PDS5B: variants seen among roughly 807,000 people sequenced by gnomAD.
PDS5B encodes PDS5 cohesin associated factor B, also known as sister chromatid cohesion protein PDS5 homolog B.
A neutral mutation model predicts 184.1 loss-of-function variants in PDS5B; 51 were observed. The observed-to-expected ratio is 0.28, with a 90% CI of 0.22 to 0.35. The LOEUF is 0.35. PDS5B is among the 10% of genes least tolerant of loss of function. The pLI is 1.00. For synonymous variants in PDS5B, 566 were observed against 569.2 expected, an observed-to-expected ratio of 0.99 and a Z score of 0.08; for missense variants, 1,180 against 1,723.3, an observed-to-expected ratio of 0.68 and a Z score of 5.58.
intron 1 of PDS5B, among the ~76,000 whole-genome samples, chr13:32,588,755 A>T (rs1200365178): frequency 1.3e-5 from 2 of 152,358 alleles, no homozygotes; most frequent in East Asian, 3.9e-4. Flanking sequence ...ATAAGATTCT[A>T]CCGAGTTGGC....
chr13:32,681,795 CTCAACCTTA>C, intron 10 of PDS5B, among the ~76,000 whole-genome samples: 1 of 152,122 alleles, frequency 6.6e-6, no homozygotes, highest in East Asian at 1.9e-4. Context: ...TGTAGTGCTT[CTCAACCTTA>C]TCAGACCCAG....
At chr13:32,628,726 T>C (rs2058409182) in intron 1 of PDS5B, among the ~76,000 whole-genome samples, 1 of 152,200 alleles carries the variant, frequency 6.6e-6, no homozygotes, top group Non-Finnish European at 1.5e-5. Context: ...CACTTGAGTA[T>C]AATGCCTTTC....
At chr13:32,750,043 G>A (rs1261903226) in intron 24 of PDS5B, among the ~76,000 whole-genome samples, 2 of 152,030 alleles carry the variant, frequency 1.3e-5, no homozygotes, top group African/African-American at 4.8e-5. Context: ...GTTCCCAGTA[G>A]CGCTTTTTAT....
intron 18 of PDS5B, among the ~76,000 whole-genome samples, chr13:32,708,461 A>G (rs893753072): frequency 2.0e-5 from 3 of 152,304 alleles, no homozygotes; most frequent in East Asian, 3.8e-4. Flanking sequence ...GTAATATCTT[A>G]TTTTTTAGAA....
intron 26 of PDS5B, among the ~76,000 whole-genome samples, chr13:32,757,715 G>A (rs571469653): frequency 2.0e-5 from 3 of 152,224 alleles, no homozygotes; most frequent in South Asian, 4.1e-4. Context: ...AGTCAGTCTT[G>A]AGTATCTGAG....
intron 24 of PDS5B, among the ~76,000 whole-genome samples, chr13:32,752,246 A>G (rs9596204): frequency 0.012 from 1,843 of 152,300 alleles, 37 homozygotes; most frequent in African/African-American, 0.041. Context: ...CTATCTTATT[A>G]GTTACTGTTA....
rs187632630 is a variant in PDS5B, at chr13:32,679,019, G to A, written c.1057+90G>A. On this transcript the variant is annotated intron_variant, in intron 10 of 34. Transcript: ENST00000315596. ...AGGGGGAAAAAAAACCCCTTTTTTC[G>A]GGGGTGGTAGGTGAAGTCTTGTTTT... 1,197 of 627,764 alleles carry A rather than the reference G, an allele frequency of 1.9e-3. 4 individuals are homozygous for A. The highest frequency in any genetic ancestry group is 2.2e-3 in the Non-Finnish European group (775 of 351,224). 38.9% of individuals were successfully genotyped at this position (627,764 alleles called of 1,614,324 possible).
chr13:32,674,959 T>C (rs1191292358), intron 8 of PDS5B, among the ~76,000 whole-genome samples: 2 of 151,836 alleles, frequency 1.3e-5, no homozygotes, highest in African/African-American at 4.8e-5. Context: ...AATTTTTTTT[T>C]TTTAAGTTTT....
At chr13:32,672,987 T>C (rs1354523662) in intron 7 of PDS5B, among the ~76,000 whole-genome samples, 1 of 152,234 alleles carries the variant, frequency 6.6e-6, no homozygotes, top group Non-Finnish European at 1.5e-5. Flanking sequence ...ATTTGAAAAG[T>C]AGAATGTTTA....
At chr13:32,773,141 A>C in intron 33 of PDS5B, 48 bp from the exon 34 acceptor site, 1 of 1,512,306 alleles carries the variant, frequency 6.6e-7, no homozygotes, top group Non-Finnish European at 8.9e-7. Flanking sequence ...GAGGTAATCT[A>C]CTGAAAGATT....
intron 19 of PDS5B, 77 bp from the exon 20 acceptor site, chr13:32,732,022 AAT>A: frequency 8.2e-7 from 1 of 1,215,684 alleles, no homozygotes; most frequent in Non-Finnish European, 1.1e-6. Flanking sequence ...ATTACTTAAA[AAT>A]ACAAATATTA....
intron 13 of PDS5B, 117 bp downstream of exon 13, chr13:32,688,686 T>C: frequency 1.4e-6 from 1 of 712,412 alleles, no homozygotes; most frequent in South Asian, 1.6e-5. Flanking sequence ...GTAAACATTG[T>C]TTAAAGGGTT....
At chr13:32,703,779 T>C (rs1263756713) in intron 17 of PDS5B, among the ~76,000 whole-genome samples, 1 of 152,230 alleles carries the variant, frequency 6.6e-6, no homozygotes, top group Non-Finnish European at 1.5e-5. Flanking sequence ...TTTGTCATTT[T>C]ATAGGTGAAT....
chr13:32,597,986 T>C (rs2140475129), intron 1 of PDS5B, among the ~76,000 whole-genome samples: 1 of 152,218 alleles, frequency 6.6e-6, no homozygotes, highest in East Asian at 1.9e-4. Flanking sequence ...CAGTAAGTAG[T>C]ATGTCAGCAG....
At chr13:32,735,475 T>C (rs1286933007) in intron 21 of PDS5B, 145 bp downstream of exon 21, 5 of 596,198 alleles carry the variant, frequency 8.4e-6, no homozygotes, top group African/African-American at 5.6e-5. Context: ...AAATAAGCCT[T>C]GTCTCCATTA....
intron 1 of PDS5B, among the ~76,000 whole-genome samples, chr13:32,634,664 A>T (rs1264005498): frequency 6.6e-6 from 1 of 151,522 alleles, no homozygotes; most frequent in Non-Finnish European, 1.5e-5. Flanking sequence ...GCTTACTGCA[A>T]CCTCCACCTC....
rs1593440334 is a variant in PDS5B, at chr13:32,692,414, C to CTTTTTTTTTTTTTTTTTTTTT, written c.1470-1809_1470-1808insTTTTTTTTTTTTTTTTTTTTT. On this transcript the variant is annotated intron_variant, in intron 13 of 34. Coordinates refer to ENST00000315596, the MANE Select transcript of PDS5B (RefSeq NM_015032.4). ...ATTAAACAAGTTTGCGTCCAAAAAGCCTTTTTTTTTTTTTTTTTTTTTTTT... is the reference window on the plus strand; with the variant it reads ...ATTAAACAAGTTTGCGTCCAAAAAGCTTTTTTTTTTTTTTTTTTTTTCTTTTTTTTTTTTTTTTTTTTTTTT... 3.0e-4 allele frequency among the ~76,000 whole-genome samples: 21 copies of CTTTTTTTTTTTTTTTTTTTTT among 69,150 alleles called. 9 individuals are homozygous for CTTTTTTTTTTTTTTTTTTTTT. The highest frequency in any genetic ancestry group is 3.5e-4 in the African/African-American group (7 of 19,840). The allele number at this position is 69,150 out of a possible 152,430, so 45.4% of individuals were successfully genotyped here.
At chr13:32,604,354 T>G (rs897336433) in intron 1 of PDS5B, among the ~76,000 whole-genome samples, 4 of 152,230 alleles carry the variant, frequency 2.6e-5, no homozygotes, top group African/African-American at 9.6e-5. Context: ...TGTCTCTGGT[T>G]CTGTTTGTAT....
intron 6 of PDS5B, among the ~76,000 whole-genome samples, chr13:32,665,307 G>T (rs904127244): frequency 6.6e-6 from 1 of 151,872 alleles, no homozygotes; most frequent in Non-Finnish European, 1.5e-5. Flanking sequence ...AAACGTCTTT[G>T]GGGGCTGGGC....
Sources: gnomAD v4.1 joint callset for allele counts (sites outside exome capture counted in the v4.1 genomes callset) on GRCh38, gnomAD v4.1.1 for gene constraint, MANE v1.5 for transcripts, NCBI Gene and HGNC (gene_info 2026-07-23, HGNC 2026-07-21) for gene names.